KGD4: variants seen among roughly 807,000 people sequenced by gnomAD.
The protein encoded by KGD4 is alpha-ketoglutarate dehydrogenase component 4.
chr5:69,227,036 T>C, the KGD4 span, among the ~76,000 whole-genome samples: 1 of 152,026 alleles, frequency 6.6e-6, no homozygotes, highest in African/African-American at 2.4e-5. Context: ...CACGCCTGGC[T>C]AATTTTTGTA....
chr5:69,217,785 G>A, the KGD4 span: 1 of 1,612,722 alleles, frequency 6.2e-7, no homozygotes, highest in Non-Finnish European at 8.5e-7. Flanking sequence ...TCCAGTGATC[G>A]CCGCGGCTCG....
the KGD4 span, among the ~76,000 whole-genome samples, chr5:69,227,166 G>T: frequency 6.6e-6 from 1 of 152,086 alleles, no homozygotes; most frequent in Non-Finnish European, 1.5e-5. Context: ...CCACTCACCT[G>T]GCCTTTATTA....
the KGD4 span, among the ~76,000 whole-genome samples, chr5:69,226,863 T>C: frequency 6.6e-6 from 1 of 151,332 alleles, no homozygotes; most frequent in Admixed American, 6.6e-5. Context: ...AAAAAAAAAT[T>C]ATTACCTCTA....
At chr5:69,226,486 C>A in the KGD4 span, 2 of 953,388 alleles carry the variant, frequency 2.1e-6, no homozygotes, top group Non-Finnish European at 1.6e-6. Flanking sequence ...CAATATTTCT[C>A]ATTTTAAAAT....
At chr5:69,220,057 C>G in the KGD4 span, among the ~76,000 whole-genome samples, 1 of 151,880 alleles carries the variant, frequency 6.6e-6, no homozygotes, top group Non-Finnish European at 1.5e-5. Context: ...TAGCAAGACC[C>G]CATCTCTATA....
chr5:69,219,782 C>T, the KGD4 span, among the ~76,000 whole-genome samples: 1 of 152,052 alleles, frequency 6.6e-6, no homozygotes, highest in Non-Finnish European at 1.5e-5. Context: ...CCACAATCAC[C>T]CCACTGCACC....
the KGD4 span, among the ~76,000 whole-genome samples, chr5:69,224,327 G>C: frequency 1.3e-5 from 2 of 151,560 alleles, no homozygotes; most frequent in Non-Finnish European, 2.9e-5. Flanking sequence ...GGAGGCGGAG[G>C]TTGCAGTGAA....
the KGD4 span, among the ~76,000 whole-genome samples, chr5:69,220,929 T>C: frequency 3.0e-4 from 46 of 152,268 alleles, no homozygotes; most frequent in Non-Finnish European, 6.2e-4. Context: ...CACTCAGGGT[T>C]AAATGGATTA....
chr5:69,223,902 G>A, the KGD4 span, among the ~76,000 whole-genome samples: 6 of 151,322 alleles, frequency 4.0e-5, no homozygotes, highest in East Asian at 1.9e-4. Flanking sequence ...GTGTGGTGGC[G>A]GGCACCTGTA....
chr5:69,221,097 G>A, the KGD4 span, among the ~76,000 whole-genome samples: 1 of 151,846 alleles, frequency 6.6e-6, no homozygotes. Flanking sequence ...TTTTGTTCAC[G>A]TGTTTATCTG....
the KGD4 span, among the ~76,000 whole-genome samples, chr5:69,222,582 T>C: frequency 1.3e-5 from 2 of 152,142 alleles, no homozygotes; most frequent in Admixed American, 1.3e-4. Context: ...TTTTTCTTCT[T>C]TTAAGTTGTA....
the KGD4 span, chr5:69,217,995 G>C: frequency 3.5e-5 from 52 of 1,505,654 alleles, no homozygotes; most frequent in East Asian, 1.2e-3. Flanking sequence ...CGGAGGGCCA[G>C]TGACGGCGCC....
chr5:69,225,839 A>C, the KGD4 span, among the ~76,000 whole-genome samples: 1 of 152,100 alleles, frequency 6.6e-6, no homozygotes, highest in Non-Finnish European at 1.5e-5. Context: ...TCGGCCTCCC[A>C]AAGTGTTGGG....
the KGD4 span, chr5:69,217,822 C>T: frequency 1.7e-5 from 27 of 1,613,822 alleles, no homozygotes; most frequent in African/African-American, 2.0e-4. Flanking sequence ...TGCCCCTTCT[C>T]GGGGGTCATG....
chr5:69,225,327 T>C, the KGD4 span, among the ~76,000 whole-genome samples: 1 of 145,558 alleles, frequency 6.9e-6, no homozygotes, highest in African/African-American at 2.5e-5. Context: ...ATGGTGGCAC[T>C]ATCTCTGCTC....
chr5:69,219,522 A>C, the KGD4 span, among the ~76,000 whole-genome samples: 10 of 152,146 alleles, frequency 6.6e-5, no homozygotes, highest in Middle Eastern at 3.2e-3. Flanking sequence ...AAATTGTGGT[A>C]GTTTGTTAAA....
the KGD4 span, chr5:69,228,131 A>ATT: frequency 8.3e-7 from 1 of 1,206,652 alleles, no homozygotes. Flanking sequence ...ATTTGATAGT[A>ATT]TTTTAAGACT....
the KGD4 span, chr5:69,226,487 A>C: frequency 2.1e-6 from 2 of 947,868 alleles, no homozygotes; most frequent in Non-Finnish European, 3.2e-6. Context: ...AATATTTCTC[A>C]TTTTAAAATC....
chr5:69,223,951 T>G, the KGD4 span, among the ~76,000 whole-genome samples: 4 of 151,232 alleles, frequency 2.6e-5, no homozygotes, highest in Non-Finnish European at 5.9e-5. Context: ...GAGAATCACT[T>G]GAACCCTTGA....
Sources: allele counts gnomAD v4.1 joint callset (sites outside exome capture counted in the v4.1 genomes callset), GRCh38; gene constraint gnomAD v4.1.1; transcripts MANE v1.5; gene names NCBI Gene and HGNC (gene_info 2026-07-23, HGNC 2026-07-21).